Variants in ASCC3 observed in about 807,000 individuals in gnomAD.
ASCC3 encodes the protein activating signal cointegrator 1 complex subunit 3.
A neutral mutation model predicts 256.3 loss-of-function variants in ASCC3; 158 were observed. The observed-to-expected ratio is 0.62, with a 90% confidence interval of 0.54 to 0.70. The LOEUF (loss-of-function observed/expected upper bound fraction) is 0.70. Ranked by LOEUF, ASCC3 falls within the 30% of genes least tolerant of loss-of-function variation. ASCC3 has a pLI of 0.00. For missense variants in ASCC3, 2,259 were observed against 2,626.0 expected (o/e 0.86, Z 3.05); for synonymous variants, 948 against 883.4 (o/e 1.07, Z -1.30).
At position 100,606,626 on chromosome 6, in the gene ASCC3, A is replaced by G. The variant is rs570204800; in HGVS notation, c.5044+114T>C. On this transcript the variant is annotated intron_variant, in intron 32 of 41. Coordinates refer to ENST00000369162, the MANE Select transcript of ASCC3 (RefSeq NM_006828.4). ...CTATAATTGCTTATCATCTGTTTAA[A>G]TGTGACCAATTCTCAGAAGTTTAAT... is the stretch of plus-strand genomic sequence containing the variant. 1.0e-4 allele frequency: 123 copies of G among 1,209,934 alleles called. No individual in the cohort carries two copies. In the East Asian group the frequency reaches 2.9e-3, roughly 29 times the overall value. 74.9% of individuals were successfully genotyped at this position (1,209,934 alleles called of 1,614,324 possible).
chr6:100,571,490 C>T (rs745798370), intron 36 of ASCC3, among the ~76,000 whole-genome samples: 4 of 152,180 alleles, frequency 2.6e-5, no homozygotes, highest in Non-Finnish European at 5.9e-5. Flanking sequence ...GCTGGAACCA[C>T]TAGCCCGGTT....
At chr6:100,584,639 G>C (rs1036672372) in intron 36 of ASCC3, among the ~76,000 whole-genome samples, 7 of 151,396 alleles carry the variant, frequency 4.6e-5, no homozygotes, top group African/African-American at 1.5e-4. Context: ...ATGTTAGCTG[G>C]TTATTTTGCT....
At chr6:100,662,324 T>C (rs1237148338) in intron 15 of ASCC3, 21 bp downstream of exon 15, 3 of 1,608,084 alleles carry the variant, frequency 1.9e-6, no homozygotes, top group Non-Finnish European at 2.6e-6. Context: ...AATCCATTTA[T>C]CAAGGAAGGT....
rs1018282206 is a variant in ASCC3, at chr6:100,557,902, CA to C, written c.5551-17516del. ...AAATGCTTGAGGGGATCACCCCCCC[CA>C]AAAAAATGTGTCTCTTGCTGATAGT... On this transcript the variant is annotated intron_variant, in intron 36 of 41. Transcript: ENST00000369162. Among the ~76,000 whole-genome samples, 16 of 149,530 alleles carry C rather than the reference CA, an allele frequency of 1.1e-4. 1 individual carries two copies. The highest frequency in any genetic ancestry group is 2.7e-4 in the African/African-American group (11 of 40,162).
intron 4 of ASCC3, among the ~76,000 whole-genome samples, chr6:100,814,032 A>T (rs1479971065): frequency 1.3e-5 from 2 of 152,120 alleles, no homozygotes; most frequent in Non-Finnish European, 2.9e-5. Flanking sequence ...TTCAAGGGGA[A>T]TGCTTCCAGA....
intron 30 of ASCC3, among the ~76,000 whole-genome samples, chr6:100,620,223 C>G (rs1400776546): frequency 6.6e-6 from 1 of 152,050 alleles, no homozygotes; most frequent in Non-Finnish European, 1.5e-5. Context: ...GAGAATGATG[C>G]AAAGACCTAA....
At chr6:100,762,545 T>C (rs1400671679) in intron 10 of ASCC3, among the ~76,000 whole-genome samples, 2 of 152,204 alleles carry the variant, frequency 1.3e-5, no homozygotes, top group African/African-American at 4.8e-5. Flanking sequence ...TTTATGGTGT[T>C]TTTCAAAGTT....
intron 5 of ASCC3, 96 bp from the exon 6 acceptor site, chr6:100,800,600 A>C: frequency 3.4e-6 from 3 of 878,444 alleles, no homozygotes; most frequent in African/African-American, 1.7e-5. Context: ...ACAACATATA[A>C]TGCTCTTACA....
At chr6:100,718,876 A>G (rs1779200186) in intron 11 of ASCC3, among the ~76,000 whole-genome samples, 1 of 152,192 alleles carries the variant, frequency 6.6e-6, no homozygotes, top group South Asian at 2.1e-4. Context: ...TCTGATTATG[A>G]TGTAACATAC....
chr6:100,675,130 G>T (rs367658604), intron 14 of ASCC3, among the ~76,000 whole-genome samples: 2,241 of 143,650 alleles, frequency 0.016, 22 homozygotes, highest in East Asian at 0.047. Context: ...GCAAACAGTT[G>T]TTTTTTTTTT....
intron 3 of ASCC3, among the ~76,000 whole-genome samples, chr6:100,862,790 T>C (rs1186069501): frequency 6.6e-6 from 1 of 152,214 alleles, no homozygotes; most frequent in Non-Finnish European, 1.5e-5. Context: ...GAAAATGTTA[T>C]GAATGATTAT....
intron 1 of ASCC3, among the ~76,000 whole-genome samples, chr6:100,874,464 CAAAAA>C (rs530326162): frequency 1.3e-5 from 1 of 77,622 alleles, no homozygotes; most frequent in Admixed American, 1.8e-4. Context: ...GACTCTGTCT[CAAAAA>C]AAAAAAAAAA....
intron 4 of ASCC3, among the ~76,000 whole-genome samples, chr6:100,843,693 C>G (rs1772256770): frequency 1.3e-5 from 2 of 151,986 alleles, no homozygotes; most frequent in Admixed American, 1.3e-4. Context: ...GAACTCACTT[C>G]AAAAACTTAA....
At chr6:100,606,409 T>TA (rs1332740161) in intron 32 of ASCC3, among the ~76,000 whole-genome samples, 1 of 152,098 alleles carries the variant, frequency 6.6e-6, no homozygotes, top group East Asian at 1.9e-4. Flanking sequence ...AAACAATACT[T>TA]AGTCATAATT....
At chr6:100,613,287 A>T (rs1773501442) in intron 30 of ASCC3, among the ~76,000 whole-genome samples, 1 of 151,758 alleles carries the variant, frequency 6.6e-6, no homozygotes, top group Admixed American at 6.6e-5. Flanking sequence ...ATTGTATATT[A>T]TTCCTCTCCA....
chr6:100,709,415 C>G (rs1778763971), intron 13 of ASCC3, among the ~76,000 whole-genome samples: 1 of 152,124 alleles, frequency 6.6e-6, no homozygotes, highest in African/African-American at 2.4e-5. Flanking sequence ...TGGGTTTTAT[C>G]AACACAAACA....
rs959733073 is a variant in ASCC3, at chr6:100,601,667, T to C, written c.5303+143A>G. The C allele has an allele frequency of 7.9e-6, 7 of 882,562 alleles. No individual in the cohort carries two copies. The African/African-American group carries it at 8.4e-5, about 11-fold the overall frequency. The allele number at this position is 882,562 out of a possible 1,614,324, so 54.7% of individuals were successfully genotyped here. A position where few individuals can be genotyped will look rare whatever the true frequency, so the allele number is the denominator to read the frequency against. The stretch of plus-strand genomic sequence containing the variant: ...ATATACTGTGATACCAGAGATATCA[T>C]CTGATTCTTTAGACAAATTCATATA... On this transcript the variant is annotated intron_variant, in intron 34 of 41. Transcript: ENST00000369162.
intron 36 of ASCC3, among the ~76,000 whole-genome samples, chr6:100,548,944 A>G (rs1185376068): frequency 1.3e-5 from 2 of 152,016 alleles, no homozygotes; most frequent in Non-Finnish European, 2.9e-5. Flanking sequence ...TAAATTAGGT[A>G]GAGTAAGAGA....
chr6:100,722,938 T>C (rs918691602), intron 11 of ASCC3, among the ~76,000 whole-genome samples: 1 of 151,756 alleles, frequency 6.6e-6, no homozygotes, highest in African/African-American at 2.4e-5. Flanking sequence ...ATTCAAGATA[T>C]TACTAAAATA....
Sources: allele counts gnomAD v4.1 joint callset (sites outside exome capture counted in the v4.1 genomes callset), GRCh38; gene constraint gnomAD v4.1.1; transcripts MANE v1.5; gene names NCBI Gene and HGNC (gene_info 2026-07-23, HGNC 2026-07-21).